The following NRXN1 variants were observed in gnomAD, a reference collection of about 807,000 sequenced individuals.
NRXN1 encodes the protein neurexin 1.
In NRXN1, 39 loss-of-function variants were observed where a neutral mutation model predicts 150.9. The ratio of observed to expected loss-of-function variants is 0.26; its 90% confidence interval spans 0.20 to 0.34. NRXN1 has a LOEUF of 0.34. Among genes scored for constraint, NRXN1 ranks in the 10% least tolerant of loss-of-function variants. NRXN1 has a pLI of 1.00. For synonymous variants in NRXN1, 924 were observed against 757.0 expected (o/e 1.22, Z -3.62); for missense variants, 1,815 against 1,949.9 (o/e 0.93, Z 1.30).
chr2:51,010,361 T>C (rs188717857), intron 2 of NRXN1, among the ~76,000 whole-genome samples: 434 of 152,162 alleles, frequency 2.9e-3, no homozygotes, highest in Middle Eastern at 0.01. Context: ...CATATATGTG[T>C]ATGTATTTGA....
intron 17 of NRXN1, among the ~76,000 whole-genome samples, chr2:50,284,985 T>C (rs1007406991): frequency 1.3e-5 from 2 of 152,114 alleles, no homozygotes; most frequent in Non-Finnish European, 2.9e-5. Context: ...ACTTCTAATA[T>C]TAAACATTGA....
intron 17 of NRXN1, among the ~76,000 whole-genome samples, chr2:50,289,283 T>C (rs1467936801): frequency 6.6e-6 from 1 of 152,162 alleles, no homozygotes; most frequent in Admixed American, 6.6e-5. Flanking sequence ...ATATTACTAT[T>C]GACTAAAAGA....
intron 8 of NRXN1, among the ~76,000 whole-genome samples, chr2:50,566,233 G>T (rs1045897585): frequency 6.6e-6 from 1 of 151,752 alleles, no homozygotes; most frequent in African/African-American, 2.4e-5. Flanking sequence ...TAGCTTCTAC[G>T]TTGCCTGGTA....
At chr2:50,688,577 G>GT (rs1485769243) in intron 5 of NRXN1, among the ~76,000 whole-genome samples, 1 of 152,112 alleles carries the variant, frequency 6.6e-6, no homozygotes, top group Non-Finnish European at 1.5e-5. Flanking sequence ...TTACAGCCAG[G>GT]TTTTTGCTGC....
chr2:50,249,730 C>T (rs560229519), intron 17 of NRXN1, among the ~76,000 whole-genome samples: 3 of 151,850 alleles, frequency 2.0e-5, no homozygotes, highest in East Asian at 2.0e-4. Flanking sequence ...CTCTGCCTCC[C>T]GGGTTCAAGC....
chr2:49,968,807 T>C (rs913980002), intron 21 of NRXN1, among the ~76,000 whole-genome samples: 2 of 152,078 alleles, frequency 1.3e-5, no homozygotes, highest in Non-Finnish European at 2.9e-5. Flanking sequence ...AGTAATGCTA[T>C]AGGGTAAAAT....
At chr2:50,053,073 A>C (rs1692978388) in intron 21 of NRXN1, among the ~76,000 whole-genome samples, 198 bp downstream of exon 21, 1 of 152,194 alleles carries the variant, frequency 6.6e-6, no homozygotes, top group South Asian at 2.1e-4. Context: ...TCTTTTGTAA[A>C]AGTCCACAAA....
intron 5 of NRXN1, among the ~76,000 whole-genome samples, chr2:50,884,079 CA>C (rs369633047): frequency 2.2e-4 from 33 of 151,696 alleles, no homozygotes; most frequent in African/African-American, 6.8e-4. Flanking sequence ...ATATAAAGCA[CA>C]AAAAAATGTT....
At chr2:50,826,665 A>G (rs1670489396) in intron 5 of NRXN1, among the ~76,000 whole-genome samples, 1 of 152,164 alleles carries the variant, frequency 6.6e-6, no homozygotes, top group Non-Finnish European at 1.5e-5. Flanking sequence ...TTTCGCTTGA[A>G]CAACAAGGCA....
chr2:51,020,367 C>T (rs1009201821), intron 2 of NRXN1, among the ~76,000 whole-genome samples: 4 of 151,806 alleles, frequency 2.6e-5, no homozygotes, highest in Non-Finnish European at 5.9e-5. Context: ...AAACAATGTC[C>T]TCTTTACTTA....
At chr2:50,994,389 T>C (rs1275270138) in intron 2 of NRXN1, among the ~76,000 whole-genome samples, 2 of 152,160 alleles carry the variant, frequency 1.3e-5, no homozygotes, top group Non-Finnish European at 2.9e-5. Flanking sequence ...TAACTTATCC[T>C]CAAGTTTTCC....
In NRXN1 at chr2:51,028,353, G is replaced by A. The variant is rs1227642075; in HGVS notation, c.-80C>T. 1.0e-6 allele frequency: 1 copy of A among 963,042 alleles called. No homozygotes were observed. The highest frequency in any genetic ancestry group is 1.4e-6 in the Non-Finnish European group (1 of 693,834). 59.7% of individuals were successfully genotyped at this position (963,042 alleles called of 1,614,324 possible). Reference sequence around the variant, plus strand: ...CCTGGACACCGTGACGAAGAAATAAGGGTCCCGAGAGACAGAAAGGTAAGG... The same window carrying A: ...CCTGGACACCGTGACGAAGAAATAAAGGTCCCGAGAGACAGAAAGGTAAGG... On this transcript the variant is annotated 5_prime_UTR_variant, in exon 2 of 23. Transcript: ENST00000401669.
At chr2:50,484,649 T>C (rs1262224405) in intron 15 of NRXN1, among the ~76,000 whole-genome samples, 2 of 152,156 alleles carry the variant, frequency 1.3e-5, no homozygotes, top group African/African-American at 2.4e-5. Flanking sequence ...CTGCAGAATA[T>C]ATATAAAGGA....
intron 21 of NRXN1, among the ~76,000 whole-genome samples, chr2:49,955,747 T>G (rs1674818269): frequency 6.6e-6 from 1 of 152,126 alleles, no homozygotes; most frequent in Admixed American, 6.6e-5. Flanking sequence ...AATGTTTTCC[T>G]TCAAAATCTA....
chr2:50,198,610 T>C (rs1390369058), intron 18 of NRXN1, among the ~76,000 whole-genome samples: 1 of 152,112 alleles, frequency 6.6e-6, no homozygotes, highest in Non-Finnish European at 1.5e-5. Flanking sequence ...AAGTGTTTGT[T>C]TTGCTTTCCA....
chr2:50,976,779 A>G (rs1259854652), intron 2 of NRXN1, among the ~76,000 whole-genome samples: 1 of 152,136 alleles, frequency 6.6e-6, no homozygotes, highest in East Asian at 1.9e-4. Context: ...AGTAAGATCA[A>G]AATTGAGCAT....
At chr2:50,582,247 T>C (rs2103666492) in intron 8 of NRXN1, among the ~76,000 whole-genome samples, 1 of 152,106 alleles carries the variant, frequency 6.6e-6, no homozygotes, top group Non-Finnish European at 1.5e-5. Context: ...AAAAATTACT[T>C]TGCAGGGCAC....
intron 17 of NRXN1, among the ~76,000 whole-genome samples, chr2:50,314,966 G>T (rs758556939): frequency 3.3e-5 from 5 of 151,488 alleles, no homozygotes; most frequent in Admixed American, 6.6e-5. Context: ...TTTTTTTCTG[G>T]TTATAAAATT....
intron 5 of NRXN1, among the ~76,000 whole-genome samples, chr2:50,653,944 C>T (rs183568168): frequency 1.3e-3 from 190 of 149,574 alleles, no homozygotes; most frequent in African/African-American, 4.3e-3. Flanking sequence ...TCTCACTATG[C>T]CCCCTACTTT....
Sources: gnomAD v4.1 joint callset for allele counts (sites outside exome capture counted in the v4.1 genomes callset) on GRCh38, gnomAD v4.1.1 for gene constraint, MANE v1.5 for transcripts, NCBI Gene and HGNC (gene_info 2026-07-23, HGNC 2026-07-21) for gene names.